Variants in RUNX2 observed in about 807,000 individuals in gnomAD.
The protein encoded by RUNX2 is RUNX family transcription factor 2.
RUNX2 carries 10 observed loss-of-function variants against 51.7 expected under a neutral mutation model. The ratio of observed to expected loss-of-function variants is 0.19; its 90% CI spans 0.12 to 0.33. RUNX2 has a LOEUF of 0.33. Ranked by LOEUF, RUNX2 falls within the 10% of genes least tolerant of loss-of-function variation. The probability of loss-of-function intolerance (pLI) is 1.00; values close to 1 mark genes in which losing one functional copy is unlikely to be tolerated. For missense variants in RUNX2, 562 were observed against 691.3 expected (o/e 0.81, Z 2.10); for synonymous variants, 276 against 273.6 (o/e 1.01, Z -0.09).
intron 7 of RUNX2, among the ~76,000 whole-genome samples, chr6:45,535,008 G>A (rs1269304083): frequency 6.6e-6 from 1 of 152,076 alleles, no homozygotes; most frequent in African/African-American, 2.4e-5. Flanking sequence ...ACCAAATACC[G>A]CTGCATGTTC....
chr6:45,520,179 T>A (rs1801462263), intron 7 of RUNX2, among the ~76,000 whole-genome samples: 1 of 152,132 alleles, frequency 6.6e-6, no homozygotes, highest in Admixed American at 6.5e-5. Context: ...TACCTGAACC[T>A]GAGGATACTA....
intron 2 of RUNX2, among the ~76,000 whole-genome samples, chr6:45,396,181 C>T (rs1400618503): frequency 1.3e-5 from 2 of 151,974 alleles, no homozygotes; most frequent in African/African-American, 2.4e-5. Context: ...AAATAGATTC[C>T]ATACTAATTC....
intron 2 of RUNX2, among the ~76,000 whole-genome samples, chr6:45,356,656 C>G (rs1793251679): frequency 1.3e-5 from 2 of 152,128 alleles, no homozygotes. Context: ...CTGCCCACCT[C>G]AGCCTCCCAA....
At chr6:45,453,779 G>C (rs1448861606) in intron 5 of RUNX2, among the ~76,000 whole-genome samples, 1 of 152,208 alleles carries the variant, frequency 6.6e-6, no homozygotes, top group African/African-American at 2.4e-5. Context: ...TCCCCACATT[G>C]ACTCTCTTTG....
intron 6 of RUNX2, among the ~76,000 whole-genome samples, chr6:45,505,024 C>G (rs1164803893): frequency 6.6e-6 from 1 of 152,164 alleles, no homozygotes; most frequent in African/African-American, 2.4e-5. Context: ...TACACAGAAG[C>G]CTGCTGGCCG....
chr6:45,449,989 A>T (rs1039824560), intron 5 of RUNX2, among the ~76,000 whole-genome samples: 1 of 152,226 alleles, frequency 6.6e-6, no homozygotes, highest in Admixed American at 6.5e-5. Flanking sequence ...TAACATCGTG[A>T]TGTGTATCTC....
chr6:45,455,238 G>C (rs1053703810), intron 5 of RUNX2, among the ~76,000 whole-genome samples: 1 of 152,210 alleles, frequency 6.6e-6, no homozygotes, highest in Non-Finnish European at 1.5e-5. Context: ...TTGTACAATA[G>C]CATCTTAAAT....
rs534775592 is a variant in RUNX2, at chr6:45,541,134, G to A, written c.1022-4083G>A. On this transcript the variant is annotated intron_variant, in intron 7 of 8. Coordinates refer to ENST00000647337, the MANE Select transcript of RUNX2 (RefSeq NM_001024630.4). ...GTTCCCAATCCTTAGACTCATTTAC[G>A]TATTCATTTATCCATCCAACCATGC... Among the ~76,000 whole-genome samples the A allele has an allele frequency of 1.1e-4, 17 of 151,948 alleles. No homozygotes were observed. The East Asian group carries it at 1.4e-3, about 12-fold the overall frequency.
intron 4 of RUNX2, 75 bp from the exon 5 acceptor site, chr6:45,437,872 A>G: frequency 1.8e-6 from 2 of 1,089,412 alleles, no homozygotes; most frequent in Admixed American, 1.7e-5. Flanking sequence ...TGCAATTTGG[A>G]AATCTATGCT....
chr6:45,487,269 C>G (rs1800311254), intron 5 of RUNX2, among the ~76,000 whole-genome samples: 1 of 152,112 alleles, frequency 6.6e-6, no homozygotes, highest in African/African-American at 2.4e-5. Flanking sequence ...GAGAAAACAG[C>G]CCCAGGCCAG....
At chr6:45,544,291 C>A (rs896161779) in intron 7 of RUNX2, among the ~76,000 whole-genome samples, 1 of 152,002 alleles carries the variant, frequency 6.6e-6, no homozygotes, top group Admixed American at 6.6e-5. Context: ...TAGCTAGCAT[C>A]TATAAACCAA....
chr6:45,524,573 A>C (rs1306350880), intron 7 of RUNX2, among the ~76,000 whole-genome samples: 1 of 152,222 alleles, frequency 6.6e-6, no homozygotes, highest in Non-Finnish European at 1.5e-5. Context: ...ACACACCCTG[A>C]CCTGTGCCAA....
rs180991227 is a variant in RUNX2, at chr6:45,470,430, G to A, written c.686-21511G>A. Among the ~76,000 whole-genome samples, 753 of 152,312 alleles carry A rather than the reference G, an allele frequency of 4.9e-3. 7 individuals carry two copies. Among genetic ancestry groups the A allele is most frequent in the African/African-American group, 0.017 (710 of 41,572 alleles). Reference sequence around the variant, plus strand: ...TTCTTGTAGTTTGAGAGACACAATGGAGTATAAAGATGTACTCTGCCTTCA... The same window carrying A: ...TTCTTGTAGTTTGAGAGACACAATGAAGTATAAAGATGTACTCTGCCTTCA... On this transcript the variant is annotated intron_variant, in intron 5 of 8. Coordinates refer to ENST00000647337, the MANE Select transcript of RUNX2 (RefSeq NM_001024630.4).
chr6:45,535,992 A>AAC (rs376297048), intron 7 of RUNX2, among the ~76,000 whole-genome samples: 3 of 151,966 alleles, frequency 2.0e-5, no homozygotes, highest in Non-Finnish European at 4.4e-5. Flanking sequence ...AGAGTCTAGA[A>AAC]ACACACACAC....
intron 5 of RUNX2, among the ~76,000 whole-genome samples, chr6:45,449,868 C>G (rs1353172272): frequency 1.3e-5 from 2 of 152,120 alleles, no homozygotes; most frequent in East Asian, 3.8e-4. Context: ...AAAAAATTAA[C>G]TTTAAAAAAT....
At chr6:45,513,664 A>T (rs1041079471) in intron 7 of RUNX2, 12 of 152,138 alleles carry the variant, frequency 7.9e-5, no homozygotes, top group African/African-American at 2.9e-4. Context: ...GTGAGTAGGG[A>T]AAGAAGAGGG....
At chr6:45,472,096 G>A (rs1346985674) in intron 5 of RUNX2, among the ~76,000 whole-genome samples, 1 of 151,944 alleles carries the variant, frequency 6.6e-6, no homozygotes, top group Non-Finnish European at 1.5e-5. Context: ...TCTCATGCAC[G>A]ACTAGGCCAT....
At chr6:45,478,926 C>T (rs1283029358) in intron 5 of RUNX2, among the ~76,000 whole-genome samples, 2 of 151,736 alleles carry the variant, frequency 1.3e-5, no homozygotes, top group South Asian at 2.1e-4. Context: ...GTCTCTCTGT[C>T]GCCCAGGCTG....
chr6:45,523,456 A>G (rs1801569921), intron 7 of RUNX2, among the ~76,000 whole-genome samples: 1 of 151,816 alleles, frequency 6.6e-6, no homozygotes, highest in Non-Finnish European at 1.5e-5. Flanking sequence ...TTATTAGTAG[A>G]GACGGGGTTT....
Sources: gnomAD v4.1 joint callset for allele counts (sites outside exome capture counted in the v4.1 genomes callset) on GRCh38, gnomAD v4.1.1 for gene constraint, MANE v1.5 for transcripts, NCBI Gene and HGNC (gene_info 2026-07-23, HGNC 2026-07-21) for gene names.